TMEM232: variants seen among roughly 807,000 people sequenced by gnomAD.
The protein encoded by TMEM232 is transmembrane protein 232.
In TMEM232, 80 loss-of-function variants were observed where a neutral mutation model predicts 78.8. The observed-to-expected ratio is 1.01, with a 90% CI of 0.85 to 1.22. TMEM232 has a LOEUF of 1.22. TMEM232 is among the 50% of genes most tolerant of loss of function. The pLI is 0.00. For missense variants in TMEM232, 881 were observed against 742.2 expected (o/e 1.19, Z -2.17); for synonymous variants, 297 against 254.3 (o/e 1.17, Z -1.60).
intron 11 of TMEM232, among the ~76,000 whole-genome samples, chr5:110,552,854 A>G (rs548157071): frequency 6.6e-6 from 1 of 152,294 alleles, no homozygotes; most frequent in South Asian, 2.1e-4. Context: ...GCTTTCTGCT[A>G]GGGTTTTTAT....
At chr5:110,716,904 G>A (rs1018727103) in intron 1 of TMEM232, among the ~76,000 whole-genome samples, 5 of 152,120 alleles carry the variant, frequency 3.3e-5, no homozygotes, top group African/African-American at 1.2e-4. Context: ...GTGTAGCAAT[G>A]GTACAGGATA....
intron 12 of TMEM232, among the ~76,000 whole-genome samples, chr5:110,450,797 G>A (rs1280342902): frequency 6.6e-6 from 1 of 152,104 alleles, no homozygotes; most frequent in Non-Finnish European, 1.5e-5. Context: ...GTCTTTCCTG[G>A]ACACAAAGCT....
At chr5:110,413,345 G>T (rs1032478807) in intron 2 of TMEM232, among the ~76,000 whole-genome samples, 1 of 152,154 alleles carries the variant, frequency 6.6e-6, no homozygotes, top group African/African-American at 2.4e-5. Flanking sequence ...CAGGCCTTCA[G>T]CCACAGACTG....
chr5:110,515,982 G>A (rs746074633), intron 12 of TMEM232, among the ~76,000 whole-genome samples: 12 of 152,212 alleles, frequency 7.9e-5, no homozygotes, highest in African/African-American at 2.4e-4. Context: ...GCTCACGCCT[G>A]TAATCCCAGC....
chr5:110,410,661 ATGTTTAT>A (rs1449766125), intron 2 of TMEM232, among the ~76,000 whole-genome samples: 1 of 152,176 alleles, frequency 6.6e-6, no homozygotes, highest in African/African-American at 2.4e-5. Context: ...ATAATGACTG[ATGTTTAT>A]TGAGAACTAC....
chr5:110,719,543 A>C (rs1797377702), intron 1 of TMEM232, among the ~76,000 whole-genome samples: 1 of 151,970 alleles, frequency 6.6e-6, no homozygotes, highest in African/African-American at 2.4e-5. Flanking sequence ...AGATGTCTTA[A>C]AATTTTTTGT....
intron 10 of TMEM232, among the ~76,000 whole-genome samples, chr5:110,589,055 T>C (rs535219925): frequency 2.6e-5 from 4 of 152,170 alleles, no homozygotes; most frequent in African/African-American, 9.6e-5. Context: ...AGTAGGAACA[T>C]AGGAAGACGG....
At chr5:110,528,070 T>C (rs927720583) in intron 12 of TMEM232, among the ~76,000 whole-genome samples, 1 of 151,868 alleles carries the variant, frequency 6.6e-6, no homozygotes, top group Non-Finnish European at 1.5e-5. Context: ...ATTGAAGAAA[T>C]GGTAAATAAA....
chr5:110,721,442 A>G (rs958633018), intron 1 of TMEM232, among the ~76,000 whole-genome samples: 3 of 151,550 alleles, frequency 2.0e-5, no homozygotes, highest in Non-Finnish European at 4.4e-5. Context: ...GGTTCTGATA[A>G]CGGACATTCA....
At chr5:110,665,516 A>G (rs1790445153) in intron 2 of TMEM232, among the ~76,000 whole-genome samples, 1 of 152,124 alleles carries the variant, frequency 6.6e-6, no homozygotes, top group South Asian at 2.1e-4. Context: ...GCACCTCTTA[A>G]CATGGTGGCA....
intron 5 of TMEM232, among the ~76,000 whole-genome samples, chr5:110,632,649 A>T (rs1785277570): frequency 6.6e-6 from 1 of 152,132 alleles, no homozygotes; most frequent in African/African-American, 2.4e-5. Context: ...TAAAACAACA[A>T]CACAAAAGAA....
At chr5:110,469,219 T>G (rs189136326) in intron 12 of TMEM232, among the ~76,000 whole-genome samples, 3 of 152,156 alleles carry the variant, frequency 2.0e-5, no homozygotes, top group African/African-American at 7.2e-5. Context: ...TTTTACACCA[T>G]ACCATTTTGG....
chr5:110,575,900 C>T (rs1358648539), intron 10 of TMEM232, among the ~76,000 whole-genome samples: 3 of 151,874 alleles, frequency 2.0e-5, no homozygotes, highest in Non-Finnish European at 4.4e-5. Context: ...CAAGGGGACC[C>T]GGGAGCTTAG....
intron 7 of TMEM232, 112 bp from the exon 8 acceptor site, chr5:110,618,674 A>G: frequency 9.1e-7 from 1 of 1,102,994 alleles, no homozygotes; most frequent in South Asian, 1.7e-5. Flanking sequence ...GAAAATGCAT[A>G]TTCTCTTACA....
chr5:110,606,798 G>T (rs1388942584), intron 8 of TMEM232, among the ~76,000 whole-genome samples: 1 of 151,780 alleles, frequency 6.6e-6, no homozygotes, highest in African/African-American at 2.4e-5. Context: ...ATGAATGAAA[G>T]ACTAGTTTTT....
chr5:110,442,017 C>T (rs571817326), intron 12 of TMEM232, among the ~76,000 whole-genome samples: 1,649 of 151,722 alleles, frequency 0.011, 23 homozygotes, highest in Non-Finnish European at 0.015. Flanking sequence ...ATGTATGTGG[C>T]TTCTTCTCTC....
At position 110,481,753 on chromosome 5, in the gene TMEM232, G is replaced by A. The variant is rs557870352; in HGVS notation, c.1703+46835C>T. On this transcript the variant is annotated intron_variant, in intron 12 of 13. Transcript: ENST00000455884. Reference sequence around the variant, plus strand: ...AGTAGACTTTGAAGCAAACATTTGGGTGACTCGTTGGTCTTTTACATCCAG... The same window carrying A: ...AGTAGACTTTGAAGCAAACATTTGGATGACTCGTTGGTCTTTTACATCCAG... 3.3e-4 allele frequency among the ~76,000 whole-genome samples: 51 copies of A among 152,268 alleles called. No homozygotes were observed. In the South Asian group the frequency reaches 1.0e-2, roughly 30 times the overall value.
At chr5:110,411,403 G>C (rs1755992429) in intron 2 of TMEM232, among the ~76,000 whole-genome samples, 1 of 151,758 alleles carries the variant, frequency 6.6e-6, no homozygotes, top group African/African-American at 2.4e-5. Context: ...TCTCCTTTTT[G>C]ATAGGATATT....
intron 10 of TMEM232, among the ~76,000 whole-genome samples, chr5:110,587,065 T>TA: frequency 6.6e-6 from 1 of 152,212 alleles, no homozygotes; most frequent in South Asian, 2.1e-4. Flanking sequence ...CAAATGTAAC[T>TA]AAAATCATTC....
Sources: gnomAD v4.1 joint callset for allele counts (sites outside exome capture counted in the v4.1 genomes callset) on GRCh38, gnomAD v4.1.1 for gene constraint, MANE v1.5 for transcripts, NCBI Gene and HGNC (gene_info 2026-07-23, HGNC 2026-07-21) for gene names.